The following KATNIP variants were observed in gnomAD, a reference collection of about 807,000 sequenced individuals.
The protein encoded by KATNIP is katanin interacting protein, also known as katanin-interacting protein.
In KATNIP, 126 loss-of-function variants were observed where a neutral mutation model predicts 174.0. The observed-to-expected ratio is 0.72, with a 90% CI of 0.63 to 0.84. The LOEUF (loss-of-function observed/expected upper bound fraction) is 0.84. Among genes scored for constraint, KATNIP ranks in the 40% least tolerant of loss-of-function variants. The pLI is 0.00. For synonymous variants in KATNIP, 810 were observed against 835.7 expected (o/e 0.97, Z 0.53); for missense variants, 1,958 against 2,109.7 (o/e 0.93, Z 1.41).
rs3056269 is a variant in KATNIP, at chr16:27,572,362, A to AACACACACACACACACAC, written c.8-1519_8-1502dup. 9.4e-4 allele frequency among the ~76,000 whole-genome samples: 130 copies of AACACACACACACACACAC among 138,146 alleles called. 1 individual carries two copies. Among genetic ancestry groups the AACACACACACACACACAC allele is most frequent in the African/African-American group, 2.5e-3 (91 of 36,978 alleles). The allele number at this position is 138,146 out of a possible 152,430, so 90.6% of individuals were successfully genotyped here. ...TTCTTTGTCTTAAGGCAAAAAAGAAAACACACACACACACACACACACACA... is the reference window on the plus strand; with the variant it reads ...TTCTTTGTCTTAAGGCAAAAAAGAAAACACACACACACACACACACACACACACACACACACACACACA... On this transcript the variant is annotated intron_variant, in intron 1 of 27. Transcript: ENST00000261588.
chr16:27,726,388 A>G (rs1455444117), intron 14 of KATNIP, among the ~76,000 whole-genome samples: 2 of 152,182 alleles, frequency 1.3e-5, no homozygotes, highest in Non-Finnish European at 1.5e-5. Flanking sequence ...CCTGTTTGGT[A>G]CAGTAATCAC....
chr16:27,766,463 ACCTATCGCGGGGTAAG>A lies in KATNIP; in HGVS notation c.3966_3975+6del. 1 of 1,612,326 alleles carries A rather than the reference ACCTATCGCGGGGTAAG, an allele frequency of 6.2e-7. No homozygotes were observed. Among genetic ancestry groups the A allele is most frequent in the Non-Finnish European group, 8.5e-7 (1 of 1,179,854 alleles). Reference sequence around the variant, plus strand: ...GAACTACAATAAATCTCCCGAGGACACCTATCGCGGGGTAAGCTGGGGAGCAGTGGCCGTGCTCAGT... The same window carrying A: ...GAACTACAATAAATCTCCCGAGGACACTGGGGAGCAGTGGCCGTGCTCAGT... On this transcript the variant is annotated splice_donor_variant and splice_donor_5th_base_variant and coding_sequence_variant and intron_variant, in exon 20 of 28. Coordinates refer to ENST00000261588, the MANE Select transcript of KATNIP (RefSeq NM_015202.5). LOFTEE classifies it high-confidence loss of function.
intron 2 of KATNIP, among the ~76,000 whole-genome samples, chr16:27,578,175 A>G (rs1358693633): frequency 6.6e-6 from 1 of 152,084 alleles, no homozygotes; most frequent in East Asian, 1.9e-4. Context: ...AGACTCTGGC[A>G]TACAAAAATT....
At chr16:27,742,844 T>C (rs1168357193) in intron 15 of KATNIP, among the ~76,000 whole-genome samples, 1 of 141,568 alleles carries the variant, frequency 7.1e-6, no homozygotes, top group Non-Finnish European at 1.5e-5. Context: ...TTTTCTTTTC[T>C]TTTTTTCTTT....
chr16:27,665,428 C>T (rs1390849914), intron 6 of KATNIP, among the ~76,000 whole-genome samples: 1 of 151,570 alleles, frequency 6.6e-6, no homozygotes, highest in Non-Finnish European at 1.5e-5. Flanking sequence ...ACTAATTTCT[C>T]TCTCCTGCCA....
In KATNIP at chr16:27,698,384, G is replaced by T. The variant is rs756914259; in HGVS notation, c.997G>T (p.Ala333Ser). 5 of 1,613,162 alleles carry T rather than the reference G, an allele frequency of 3.1e-6. No homozygotes were observed. The highest frequency in any genetic ancestry group is 2.5e-6 in the Non-Finnish European group (3 of 1,179,584). Residue 333 changes from alanine to serine, a missense_variant, in exon 9 of 28, where the codon GCT becomes TCT. This residue lies in a region of KATNIP where 1,557 missense variants were observed against 1,617.8 expected (regional missense o/e 0.96). Coordinates refer to ENST00000261588, the MANE Select transcript of KATNIP (RefSeq NM_015202.5). ...LSATRKTLCE[A>S]EYPEEDASAV... ...TGCAACCCGCAAAACTCTTTGCGAG[G>T]CTGAGTACCCAGAGGAAGATGCCTC...
chr16:27,714,617 A>G (rs2079842398), intron 13 of KATNIP, among the ~76,000 whole-genome samples: 1 of 152,208 alleles, frequency 6.6e-6, no homozygotes, highest in Non-Finnish European at 1.5e-5. Flanking sequence ...TACTAAAATC[A>G]AGAATGATAG....
rs781557932 is a variant in KATNIP at position 27,631,146 on chromosome 16, G to T, written c.392G>T (p.Arg131Leu). ...CGGACAGCCCCCAGTAAAGTCCAGC[G>T]CCGAGGATGGCACCAGGTCTGGAGA... ...SSRTAPSKVQRRGWHQKSVQI... is the reference protein window; with the variant it reads ...SSRTAPSKVQLRGWHQKSVQI... The change falls in exon 5 of 28, where the codon CGC becomes CTC. Residue 131 changes from arginine to leucine, a missense_variant. Arg to Leu is a moderately radical substitution (Grantham distance 102, BLOSUM62 -2). Coordinates refer to ENST00000261588, the MANE Select transcript of KATNIP (RefSeq NM_015202.5). The T allele has an allele frequency of 6.4e-7, 1 of 1,568,562 alleles. No homozygotes were observed. Among genetic ancestry groups the T allele is most frequent in the Non-Finnish European group, 8.7e-7 (1 of 1,155,590 alleles).
chr16:27,756,644 A>G (rs1012823625), intron 18 of KATNIP, among the ~76,000 whole-genome samples: 1 of 152,246 alleles, frequency 6.6e-6, no homozygotes, highest in Non-Finnish European at 1.5e-5. Flanking sequence ...GTGAGGTCCC[A>G]AAAGACAGCC....
At chr16:27,712,937 C>G (rs758633205) in intron 13 of KATNIP, among the ~76,000 whole-genome samples, 1 of 152,122 alleles carries the variant, frequency 6.6e-6, no homozygotes, top group Admixed American at 6.5e-5. Context: ...TCTCAAGAAG[C>G]TGGAACTACA....
At chr16:27,709,145 C>A in intron 13 of KATNIP, 1 of 462,628 alleles carries the variant, frequency 2.2e-6, no homozygotes, top group Non-Finnish European at 3.9e-6. Context: ...AAGGCAAAAC[C>A]CTGTCTCTAC....
intron 12 of KATNIP, among the ~76,000 whole-genome samples, chr16:27,705,362 T>C (rs2079259549): frequency 6.6e-6 from 1 of 152,160 alleles, no homozygotes; most frequent in South Asian, 2.1e-4. Flanking sequence ...CAAAGCCACA[T>C]ATAAAATCCT....
At chr16:27,583,829 G>A (rs2090785269) in intron 2 of KATNIP, among the ~76,000 whole-genome samples, 1 of 152,206 alleles carries the variant, frequency 6.6e-6, no homozygotes, top group Non-Finnish European at 1.5e-5. Flanking sequence ...ATCAGGCATG[G>A]ATGGATCTAG....
chr16:27,768,601 G>A (rs2144147438), intron 20 of KATNIP, among the ~76,000 whole-genome samples: 1 of 152,308 alleles, frequency 6.6e-6, no homozygotes, highest in Non-Finnish European at 1.5e-5. Context: ...TCATGCTGAT[G>A]GGCCCGGCCA....
chr16:27,695,864 A>G (rs1255546533), intron 8 of KATNIP, among the ~76,000 whole-genome samples: 1 of 152,152 alleles, frequency 6.6e-6, no homozygotes, highest in Non-Finnish European at 1.5e-5. Context: ...GTATCCATCC[A>G]TTACCCATCC....
At chr16:27,618,692 C>G (rs2076112715) in intron 3 of KATNIP, among the ~76,000 whole-genome samples, 191 bp downstream of exon 3, 1 of 152,176 alleles carries the variant, frequency 6.6e-6, no homozygotes, top group Non-Finnish European at 1.5e-5. Flanking sequence ...CATTTTTTGA[C>G]TGAGCTGTAG....
chr16:27,649,918 G>A (rs2077067110), intron 6 of KATNIP, among the ~76,000 whole-genome samples: 1 of 152,186 alleles, frequency 6.6e-6, no homozygotes, highest in African/African-American at 2.4e-5. Flanking sequence ...GCTCACGCCT[G>A]TAATCCTAGC....
intron 4 of KATNIP, among the ~76,000 whole-genome samples, chr16:27,629,077 A>G (rs1173954785): frequency 6.6e-6 from 1 of 151,938 alleles, no homozygotes; most frequent in East Asian, 1.9e-4. Flanking sequence ...CCGAGGCACA[A>G]GAATCACTTA....
At chr16:27,554,213 C>T (rs2089514524) in intron 1 of KATNIP, among the ~76,000 whole-genome samples, 1 of 152,150 alleles carries the variant, frequency 6.6e-6, no homozygotes, top group African/African-American at 2.4e-5. Context: ...CCTGTAATCC[C>T]AGCACTTTGA....
Sources: gnomAD v4.1 joint callset for allele counts (sites outside exome capture counted in the v4.1 genomes callset) on GRCh38, gnomAD v4.1.1 for gene constraint, gnomAD v4.1.1 regional missense constraint, MANE v1.5 for transcripts, NCBI Gene and HGNC (gene_info 2026-07-23, HGNC 2026-07-21) for gene names.